The following ATP2B2 variants were observed in gnomAD, a reference collection of about 807,000 sequenced individuals.
ATP2B2 encodes ATPase plasma membrane Ca2+ transporting 2, also known as plasma membrane calcium-transporting ATPase 2.
A neutral mutation model predicts 120.0 loss-of-function variants in ATP2B2; 15 were observed. That is an observed-to-expected ratio of 0.12 (90% confidence interval 0.08 to 0.19). The LOEUF (loss-of-function observed/expected upper bound fraction) is 0.19, where lower values mean the gene tolerates loss of function less well. Among genes scored for constraint, ATP2B2 ranks in the 10% least tolerant of loss-of-function variants. The pLI is 1.00. For missense variants in ATP2B2, 1,045 were observed against 1,719.8 expected, an observed-to-expected ratio of 0.61 and a Z score of 6.94; for synonymous variants, 694 against 700.3, an observed-to-expected ratio of 0.99 and a Z score of 0.14.
At chr3:10,470,910 C>T (rs1455646908) in intron 1 of ATP2B2, among the ~76,000 whole-genome samples, 2 of 152,166 alleles carry the variant, frequency 1.3e-5, no homozygotes, top group African/African-American at 4.8e-5. Context: ...GGCGACAGCA[C>T]ATCGGATACT....
chr3:10,694,340 C>T (rs993221636), intron 1 of ATP2B2, among the ~76,000 whole-genome samples: 10 of 152,252 alleles, frequency 6.6e-5, no homozygotes, highest in African/African-American at 2.4e-4. Context: ...CCATCCCTAA[C>T]CTTTGACAAC....
intron 2 of ATP2B2, among the ~76,000 whole-genome samples, chr3:10,597,977 G>A (rs1348779369): frequency 1.3e-5 from 2 of 152,168 alleles, no homozygotes; most frequent in African/African-American, 4.8e-5. Context: ...TGAACAGGAT[G>A]CTGGATTAAA....
chr3:10,545,070 C>A (rs953372449), intron 2 of ATP2B2, among the ~76,000 whole-genome samples: 1 of 152,182 alleles, frequency 6.6e-6, no homozygotes, highest in African/African-American at 2.4e-5. Context: ...TAAACCACAC[C>A]TGCAGGAACC....
Position 10,434,077 on chromosome 3 carries a change from G to C in ATP2B2, c.199+15268C>G, listed in dbSNP as rs565151938. The stretch of plus-strand genomic sequence containing the variant: ...ATTTGAATTAGTAAATGAATGCAGT[G>C]ATTCTCAGCTAGGGGGTGGGGCATA... On this transcript the variant is annotated intron_variant, in intron 2 of 22. Coordinates refer to ENST00000360273, the MANE Select transcript of ATP2B2 (RefSeq NM_001001331.4). 1.5e-4 allele frequency among the ~76,000 whole-genome samples: 23 copies of C among 152,314 alleles called. No individual in the cohort carries two copies. In the South Asian group the frequency reaches 4.8e-3, roughly 32 times the overall value.
intron 22 of ATP2B2, chr3:10,336,129 G>A (rs1370714939): frequency 2.6e-6 from 4 of 1,550,360 alleles, no homozygotes; most frequent in South Asian, 1.2e-5. Context: ...TCACACTCAC[G>A]CCCGGCTGCA....
In ATP2B2 at chr3:10,359,931, C is replaced by T. The variant is rs778533707; in HGVS notation, c.1852G>A (p.Glu618Lys). 28 of 1,614,116 alleles carry T rather than the reference C, an allele frequency of 1.7e-5. No homozygotes were observed. Among genetic ancestry groups the T allele is most frequent in the South Asian group, 4.4e-5 (4 of 91,092 alleles). The part of the protein sequence containing the change: ...SMSTVIKLPD[E>K]SFRMYSKGAS... ...CCCTTGCTGTACATGCGGAAGCTCT[C>T]GTCGGGCAGCTTGATGACAGTGCTC... Residue 618 changes from glutamate (E) to lysine (K), a missense_variant, in exon 13 of 23, where the codon GAG (glutamate) becomes AAG (lysine). Transcript: ENST00000360273.
At chr3:10,559,657 C>T (rs183465867) in intron 2 of ATP2B2, among the ~76,000 whole-genome samples, 73 of 152,258 alleles carry the variant, frequency 4.8e-4, no homozygotes, top group African/African-American at 1.6e-3. Flanking sequence ...CCTCCAAGCC[C>T]CCCGACTTCC....
chr3:10,504,051 T>C (rs1324595430), intron 1 of ATP2B2, among the ~76,000 whole-genome samples: 1 of 152,218 alleles, frequency 6.6e-6, no homozygotes, highest in Non-Finnish European at 1.5e-5. Flanking sequence ...TTATGGGTAC[T>C]ATATTTGTAT....
At chr3:10,689,684 C>T (rs575682145) in intron 1 of ATP2B2, among the ~76,000 whole-genome samples, 14 of 152,322 alleles carry the variant, frequency 9.2e-5, no homozygotes, top group South Asian at 4.2e-4. Context: ...CTGCTGAGGA[C>T]GGGGAACCCT....
At position 10,620,138 on chromosome 3, in the gene ATP2B2, A is replaced by T. The variant is rs564278413; in HGVS notation, c.-459-177T>A. 3.3e-5 allele frequency among the ~76,000 whole-genome samples: 5 copies of T among 152,200 alleles called. No homozygotes were observed. In the East Asian group the frequency reaches 7.7e-4, roughly 23 times the overall value. ...GTCAGGCTTTCTGGCTCCGCTGGGG[A>T]GGGCTGCATCTCTGGGCCAGGTGCC... On this transcript the variant is annotated intron_variant, in intron 1 of 21. Coordinates refer to the ATP2B2 transcript ENST00000646379.
At chr3:10,595,006 C>G (rs1487051349) in intron 2 of ATP2B2, among the ~76,000 whole-genome samples, 1 of 152,212 alleles carries the variant, frequency 6.6e-6, no homozygotes, top group South Asian at 2.1e-4. Flanking sequence ...ATTCGAAGAC[C>G]AATGCAATCG....
At chr3:10,662,428 G>A (rs1420290675) in intron 1 of ATP2B2, among the ~76,000 whole-genome samples, 23 of 138,712 alleles carry the variant, frequency 1.7e-4, no homozygotes, top group South Asian at 1.1e-3. Flanking sequence ...AAAAGTGGGC[G>A]AAGGACATGA....
At chr3:10,550,144 T>C (rs552888924) in intron 2 of ATP2B2, among the ~76,000 whole-genome samples, 1 of 152,348 alleles carries the variant, frequency 6.6e-6, no homozygotes, top group Non-Finnish European at 1.5e-5. Context: ...CTACAGAGAA[T>C]AGAGCCTCTG....
intron 1 of ATP2B2, among the ~76,000 whole-genome samples, chr3:10,470,370 C>T (rs1184175201): frequency 6.6e-6 from 1 of 152,102 alleles, no homozygotes; most frequent in Non-Finnish European, 1.5e-5. Context: ...GATCACCTAG[C>T]TGGTGAATGG....
chr3:10,575,950 T>C (rs1308909986), intron 2 of ATP2B2, among the ~76,000 whole-genome samples: 1 of 152,226 alleles, frequency 6.6e-6, no homozygotes, highest in Admixed American at 6.5e-5. Context: ...AACCTTAAAA[T>C]TGTCCCTCAT....
chr3:10,384,639 C>T (rs1023141558), intron 8 of ATP2B2, among the ~76,000 whole-genome samples: 5 of 150,782 alleles, frequency 3.3e-5, no homozygotes, highest in African/African-American at 7.3e-5. Flanking sequence ...CCAGGACAAA[C>T]GCTCCAGCAC....
intron 2 of ATP2B2, among the ~76,000 whole-genome samples, chr3:10,591,970 G>A (rs2068654854): frequency 6.6e-6 from 1 of 152,202 alleles, no homozygotes. Context: ...TCTAGAAGGT[G>A]GGTGTGCATG....
chr3:10,663,586 T>A (rs1293514090), intron 1 of ATP2B2, among the ~76,000 whole-genome samples: 1 of 151,990 alleles, frequency 6.6e-6, no homozygotes, highest in Non-Finnish European at 1.5e-5. Context: ...TCCCAGGTGG[T>A]TTTGGTTCTC....
chr3:10,341,456 G>A (rs759951141), intron 19 of ATP2B2, among the ~76,000 whole-genome samples: 84 of 152,120 alleles, frequency 5.5e-4, no homozygotes, highest in Non-Finnish European at 9.6e-4. Context: ...GATTACAGGT[G>A]CGCACCATCA....
Sources: allele counts gnomAD v4.1 joint callset (sites outside exome capture counted in the v4.1 genomes callset), GRCh38; gene constraint gnomAD v4.1.1; transcripts MANE v1.5; gene names NCBI Gene and HGNC (gene_info 2026-07-23, HGNC 2026-07-21).